PRIM2: variants seen among roughly 807,000 people sequenced by gnomAD.
PRIM2 encodes the protein DNA primase large subunit.
In PRIM2, 39 loss-of-function variants were observed where a neutral mutation model predicts 67.3. The observed-to-expected ratio is 0.58, with a 90% CI of 0.45 to 0.76. PRIM2 has a LOEUF of 0.76. Ranked by LOEUF, PRIM2 falls within the 30% of genes least tolerant of loss-of-function variation. The probability of loss-of-function intolerance (pLI) is 0.00; values close to 1 mark genes in which losing one functional copy is unlikely to be tolerated. For missense variants in PRIM2, 398 were observed against 598.7 expected (o/e 0.66, Z 3.50); for synonymous variants, 143 against 198.7 (o/e 0.72, Z 2.36).
At chr6:57,506,171 A>T (rs1774247088) in intron 7 of PRIM2, among the ~76,000 whole-genome samples, 1 of 143,956 alleles carries the variant, frequency 6.9e-6, no homozygotes, top group African/African-American at 2.7e-5. Flanking sequence ...GAAAGTCTTG[A>T]TTGTGCTAAA....
intron 7 of PRIM2, among the ~76,000 whole-genome samples, chr6:57,456,896 G>GT (rs1269803902): frequency 6.6e-6 from 1 of 152,108 alleles, no homozygotes; most frequent in Non-Finnish European, 1.5e-5. Flanking sequence ...TTTCTGCTCT[G>GT]TTTTTTCCCC....
At chr6:57,388,892 C>A (rs10949040) in intron 7 of PRIM2, among the ~76,000 whole-genome samples, 1 of 152,118 alleles carries the variant, frequency 6.6e-6, no homozygotes, top group Non-Finnish European at 1.5e-5. Flanking sequence ...GGAGAATGTG[C>A]AGCCATGAGA....
At chr6:57,376,760 C>T (rs1328185298) in intron 5 of PRIM2, among the ~76,000 whole-genome samples, 2 of 152,148 alleles carry the variant, frequency 1.3e-5, no homozygotes, top group African/African-American at 4.8e-5. Context: ...AGGCCTTGCA[C>T]ATATTTTGTT....
chr6:57,514,655 T>G (rs1554348046), intron 8 of PRIM2, among the ~76,000 whole-genome samples: 74 of 152,208 alleles, frequency 4.9e-4, no homozygotes, highest in African/African-American at 1.8e-3. Flanking sequence ...GAATTACAAT[T>G]TTTTCACATC....
intron 5 of PRIM2, among the ~76,000 whole-genome samples, chr6:57,370,803 A>G (rs1769527090): frequency 6.8e-6 from 1 of 146,536 alleles, no homozygotes; most frequent in Non-Finnish European, 1.5e-5. Flanking sequence ...GGTTCAAGCT[A>G]TTTTCCTGCC....
chr6:57,301,380 G>A, the PRIM2 span, among the ~76,000 whole-genome samples: 1 of 152,198 alleles, frequency 6.6e-6, no homozygotes, highest in Admixed American at 6.5e-5. Context: ...CCAGCTACTC[G>A]GTAGGCTGCG....
At chr6:57,275,425 G>T in the PRIM2 span, among the ~76,000 whole-genome samples, 4 of 152,194 alleles carry the variant, frequency 2.6e-5, no homozygotes, top group Non-Finnish European at 5.9e-5. Context: ...GGAGGCAGAG[G>T]TTGCAGTGAG....
At chr6:57,402,526 G>T (rs1343796471) in intron 7 of PRIM2, among the ~76,000 whole-genome samples, 1 of 152,186 alleles carries the variant, frequency 6.6e-6, no homozygotes, top group Non-Finnish European at 1.5e-5. Context: ...AGAAAAGATA[G>T]AGTTGATACT....
the PRIM2 span, among the ~76,000 whole-genome samples, chr6:57,306,585 G>A: frequency 6.6e-6 from 1 of 152,180 alleles, no homozygotes. Context: ...CTATGCACAG[G>A]AGTGTCAGGG....
At chr6:57,598,689 C>A (rs1393869624) in intron 10 of PRIM2, among the ~76,000 whole-genome samples, 1 of 151,660 alleles carries the variant, frequency 6.6e-6, no homozygotes, top group Non-Finnish European at 1.5e-5. Flanking sequence ...GAGTTTGAGA[C>A]CAGCCTGGGC....
chr6:57,542,172 C>T (rs1236510664), intron 10 of PRIM2, among the ~76,000 whole-genome samples: 3 of 152,050 alleles, frequency 2.0e-5, no homozygotes, highest in Admixed American at 6.5e-5. Context: ...GACGGGGTTT[C>T]GCCATGTTGC....
intron 7 of PRIM2, among the ~76,000 whole-genome samples, chr6:57,483,160 G>A (rs1487453682): frequency 3.9e-5 from 6 of 152,008 alleles, no homozygotes; most frequent in African/African-American, 1.2e-4. Flanking sequence ...TACCAGCCTC[G>A]GCCTCCCAAA....
chr6:57,615,582 T>A (rs1320362457), intron 12 of PRIM2, among the ~76,000 whole-genome samples: 1 of 152,188 alleles, frequency 6.6e-6, no homozygotes, highest in African/African-American at 2.4e-5. Context: ...CTTATAATGG[T>A]GTGCTATGTC....
the PRIM2 span, among the ~76,000 whole-genome samples, chr6:57,294,042 T>C: frequency 6.6e-6 from 1 of 152,266 alleles, no homozygotes; most frequent in Non-Finnish European, 1.5e-5. Context: ...TAATGTCTTA[T>C]AATTAGAAAT....
At chr6:57,510,565 G>A (rs1774343302) in intron 8 of PRIM2, among the ~76,000 whole-genome samples, 1 of 151,998 alleles carries the variant, frequency 6.6e-6, no homozygotes, top group Admixed American at 6.6e-5. Flanking sequence ...TATTCTCTGT[G>A]GATTTCACTC....
At chr6:57,304,436 G>A in the PRIM2 span, among the ~76,000 whole-genome samples, 2 of 152,192 alleles carry the variant, frequency 1.3e-5, no homozygotes, top group African/African-American at 4.8e-5. Flanking sequence ...AACTCTACAT[G>A]CAGACAGAAA....
At chr6:57,337,575 T>C (rs1385569127) in intron 5 of PRIM2, among the ~76,000 whole-genome samples, 4 of 151,930 alleles carry the variant, frequency 2.6e-5, no homozygotes, top group Non-Finnish European at 5.9e-5. Context: ...ACCACTCAAC[T>C]ACATGGAAAC....
chr6:57,287,653 A>G, the PRIM2 span, among the ~76,000 whole-genome samples: 1 of 152,050 alleles, frequency 6.6e-6, no homozygotes, highest in African/African-American at 2.4e-5. Flanking sequence ...CAAATACCTG[A>G]TGCATGTGGA....
intron 7 of PRIM2, among the ~76,000 whole-genome samples, chr6:57,411,711 C>G (rs1771093907): frequency 6.6e-6 from 1 of 152,102 alleles, no homozygotes. Context: ...GGTATATTAC[C>G]TTTTTTTATA....
Sources: allele counts gnomAD v4.1 joint callset (sites outside exome capture counted in the v4.1 genomes callset), GRCh38; gene constraint gnomAD v4.1.1; transcripts MANE v1.5; gene names NCBI Gene and HGNC (gene_info 2026-07-23, HGNC 2026-07-21).